The following MAPK1IP1L variants were observed in gnomAD, a reference collection of about 807,000 sequenced individuals.
MAPK1IP1L encodes the protein mitogen-activated protein kinase 1 interacting protein 1 like.
Under a neutral mutation model 18.1 loss-of-function variants are expected in MAPK1IP1L, and 10 were observed. The observed-to-expected ratio is 0.55, with a 90% CI of 0.34 to 0.94. MAPK1IP1L has a LOEUF of 0.94. Among genes scored for constraint, MAPK1IP1L ranks in the 40% least tolerant of loss-of-function variants. The pLI is 0.02. For missense variants in MAPK1IP1L, 260 were observed against 318.2 expected (o/e 0.82, Z 1.39); for synonymous variants, 115 against 117.3 (o/e 0.98, Z 0.13).
At position 55,067,347 on chromosome 14, in the gene MAPK1IP1L, A is replaced by AGTT. The variant is rs1235283755; in HGVS notation, c.*2721_*2723dup. 1 of 151,520 alleles carries AGTT rather than the reference A, an allele frequency of 6.6e-6. No homozygotes were observed. The highest frequency in any genetic ancestry group is 1.5e-5 in the Non-Finnish European group (1 of 67,938). The allele number at this position is 151,520 out of a possible 1,614,324, so 9.4% of individuals were successfully genotyped here. On this transcript the variant is annotated 3_prime_UTR_variant, in exon 4 of 4. Transcript: ENST00000395468. ...AATATTTCAGGTTGGTTCGGTGTGG[A>AGTT]GTTAAGAAAAGCAGGCGTTTTAGTG...
In MAPK1IP1L at chr14:55,056,896, A is replaced by G. The variant is rs75313084; in HGVS notation, c.-4-4784A>G. Among the ~76,000 whole-genome samples the G allele has an allele frequency of 8.9e-3, 1,351 of 152,278 alleles. 16 individuals are homozygous for G. The highest frequency in any genetic ancestry group is 0.03 in the African/African-American group (1,259 of 41,548). On this transcript the variant is annotated intron_variant, in intron 1 of 3. Coordinates refer to ENST00000395468, the MANE Select transcript of MAPK1IP1L (RefSeq NM_144578.4). ...TTTATGTTCTTGTCCTTTCCTCATG[A>G]TAATCAAATCATAATTAGAAATAAG...
chr14:55,053,686 C>T (rs563525869), intron 1 of MAPK1IP1L, among the ~76,000 whole-genome samples: 2 of 152,214 alleles, frequency 1.3e-5, no homozygotes, highest in African/African-American at 4.8e-5. Flanking sequence ...CTGCTTATAC[C>T]TCCCCAGAGA....
chr14:55,066,768 AC>A lies in MAPK1IP1L; in HGVS notation c.*2142del, dbSNP rs1015861319. 3.9e-5 allele frequency: 6 copies of A among 152,200 alleles called. No individual in the cohort carries two copies. The highest frequency in any genetic ancestry group is 1.4e-4 in the African/African-American group (6 of 41,458). 9.4% of individuals were successfully genotyped at this position (152,200 alleles called of 1,614,324 possible). ...CTAAAGGATTTGAAGGGCCATGAAC[AC>A]AATTTGGGATTATTACTCCCTATAA... On this transcript the variant is annotated 3_prime_UTR_variant, in exon 4 of 4. Coordinates refer to ENST00000395468, the MANE Select transcript of MAPK1IP1L (RefSeq NM_144578.4).
At chr14:55,061,588 A>T (rs2042818594) in intron 1 of MAPK1IP1L, 92 bp from the exon 2 acceptor site, 2 of 815,502 alleles carry the variant, frequency 2.5e-6, no homozygotes, top group East Asian at 5.5e-5. Context: ...ATAATAATGT[A>T]TGCATAGAAA....
Position 55,063,103 on chromosome 14 carries a change from T to C in MAPK1IP1L, c.504T>C (p.Tyr168=). ...GGQYPTPNMP[Y]PSPGPYPAPP... ...AGTATCCTACCCCTAATATGCCATA[T>C]CCATCTCCAGGCCCATATCCCGCTC... The change falls in exon 3 of 4, where the codon TAT becomes TAC. Residue 168 remains tyrosine, a synonymous_variant. Coordinates refer to ENST00000395468, the MANE Select transcript of MAPK1IP1L (RefSeq NM_144578.4). 5.0e-6 allele frequency: 8 copies of C among 1,613,310 alleles called. No homozygotes were observed. Among genetic ancestry groups the C allele is most frequent in the Non-Finnish European group, 6.8e-6 (8 of 1,179,994 alleles).
rs765672583 is a variant in MAPK1IP1L at position 55,061,676 on chromosome 14, T to C, written c.-4-4T>C. ...TTCTTCCTTCATTTCTTTTCTTTTT[T>C]TAGGAAAATGTCTGATGAATTTTCG... On this transcript the variant is annotated splice_region_variant and splice_polypyrimidine_tract_variant and intron_variant, in intron 1 of 3. Coordinates refer to ENST00000395468, the MANE Select transcript of MAPK1IP1L (RefSeq NM_144578.4). The C allele has an allele frequency of 6.4e-7, 1 of 1,559,898 alleles. No individual in the cohort carries two copies. The highest frequency in any genetic ancestry group is 8.7e-7 in the Non-Finnish European group (1 of 1,146,686).
chr14:55,055,858 A>T (rs919584469), intron 1 of MAPK1IP1L, among the ~76,000 whole-genome samples: 1 of 152,196 alleles, frequency 6.6e-6, no homozygotes, highest in African/African-American at 2.4e-5. Flanking sequence ...TAAACCTGGG[A>T]GGCGGAGGTT....
chr14:55,053,609 C>CT (rs2140256327), intron 1 of MAPK1IP1L, among the ~76,000 whole-genome samples: 1 of 152,340 alleles, frequency 6.6e-6, no homozygotes, highest in Non-Finnish European at 1.5e-5. Context: ...AAACCCTCGT[C>CT]TAAGGTCACT....
rs567581869 is a variant in MAPK1IP1L at position 55,069,120 on chromosome 14, A to G, written c.*4493A>G. 2.0e-5 allele frequency: 3 copies of G among 152,212 alleles called. No individual in the cohort carries two copies. The South Asian group carries it at 6.2e-4, about 32-fold the overall frequency. The allele number at this position is 152,212 out of a possible 1,614,324, so 9.4% of individuals were successfully genotyped here. On this transcript the variant is annotated 3_prime_UTR_variant, in exon 4 of 4. Coordinates refer to ENST00000395468, the MANE Select transcript of MAPK1IP1L (RefSeq NM_144578.4). ...GTTTGCCTCTTCACTTTACCCCTGG[A>G]TAAAGGCACTTTCACTGCCTGTCAC...
At chr14:55,064,096 C>A (rs928453855) in intron 3 of MAPK1IP1L, among the ~76,000 whole-genome samples, 1 of 142,154 alleles carries the variant, frequency 7.0e-6, no homozygotes, top group African/African-American at 2.7e-5. Context: ...CAATCTCTAC[C>A]TCTCAGGTTC....
At position 55,063,184 on chromosome 14, in the gene MAPK1IP1L, A is replaced by C; in HGVS notation, c.585A>C (p.Pro195=). 1.2e-6 allele frequency: 2 copies of C among 1,613,898 alleles called. No individual in the cohort carries two copies. Among genetic ancestry groups the C allele is most frequent in the East Asian group, 2.2e-5 (1 of 44,850 alleles). ...CACCTGTTCCATGGGGCACCGTTCC[A>C]CCAGGAGCCTGGGGACCACCAGCAC... The part of the protein sequence containing the change: ...AAPPVPWGTV[P]PGAWGPPAPY... The change falls in exon 3 of 4, where the codon CCA becomes CCC. Residue 195 remains proline (P), a synonymous_variant. Transcript: ENST00000395468.
Position 55,067,712 on chromosome 14 carries a change from T to TTA in MAPK1IP1L, c.*3086_*3087insAT, listed in dbSNP as rs1566765930. 6.6e-6 allele frequency: 1 copy of TTA among 152,198 alleles called. No individual in the cohort carries two copies. The highest frequency in any genetic ancestry group is 1.5e-5 in the Non-Finnish European group (1 of 68,040). The allele number at this position is 152,198 out of a possible 1,614,324, so 9.4% of individuals were successfully genotyped here. On this transcript the variant is annotated 3_prime_UTR_variant, in exon 4 of 4. Coordinates refer to ENST00000395468, the MANE Select transcript of MAPK1IP1L (RefSeq NM_144578.4). ...GCCACCATGCGTGACCTTTTTTTCTTTTTAAAAGGGAACAATGTTGCTTTC... is the reference window on the plus strand; with the variant it reads ...GCCACCATGCGTGACCTTTTTTTCTTTATTTAAAAGGGAACAATGTTGCTTTC...
At chr14:55,064,513 G>A in intron 3 of MAPK1IP1L, 103 bp from the exon 4 acceptor site, 3 of 963,242 alleles carry the variant, frequency 3.1e-6, no homozygotes, top group Non-Finnish European at 4.9e-6. Flanking sequence ...GTGACTTGCT[G>A]TTTGGATTTA....
In MAPK1IP1L at chr14:55,066,987, T is replaced by A. The variant is rs1177829092; in HGVS notation, c.*2360T>A. 1.3e-5 allele frequency: 2 copies of A among 151,532 alleles called. No individual in the cohort carries two copies. Among genetic ancestry groups the A allele is most frequent in the Admixed American group, 6.6e-5 (1 of 15,210 alleles). 9.4% of individuals were successfully genotyped at this position (151,532 alleles called of 1,614,324 possible). On this transcript the variant is annotated 3_prime_UTR_variant, in exon 4 of 4. Transcript: ENST00000395468. The stretch of plus-strand genomic sequence containing the variant: ...ATCTTGGTTCACTGCAAGCTCCATC[T>A]CCCAGGTTCACACCATTCTCCTGCC...
In MAPK1IP1L at chr14:55,069,146, T is replaced by C. The variant is rs1283039071; in HGVS notation, c.*4519T>C. The C allele has an allele frequency of 6.6e-6, 1 of 152,300 alleles. No homozygotes were observed. The highest frequency in any genetic ancestry group is 2.4e-5 in the African/African-American group (1 of 41,456). The allele number at this position is 152,300 out of a possible 1,614,324, so 9.4% of individuals were successfully genotyped here. A position where few individuals can be genotyped will look rare whatever the true frequency, so the allele number is the denominator to read the frequency against. Reference sequence around the variant, plus strand: ...TAAAGGCACTTTCACTGCCTGTCACTGATCAGCAGATACTGACTTGTTGCC... The same window carrying C: ...TAAAGGCACTTTCACTGCCTGTCACCGATCAGCAGATACTGACTTGTTGCC... On this transcript the variant is annotated 3_prime_UTR_variant, in exon 4 of 4. Coordinates refer to ENST00000395468, the MANE Select transcript of MAPK1IP1L (RefSeq NM_144578.4).
chr14:55,061,591 C>A, intron 1 of MAPK1IP1L, 89 bp from the exon 2 acceptor site: 3 of 836,734 alleles, frequency 3.6e-6, no homozygotes, highest in South Asian at 1.6e-5. Context: ...ATAATGTATG[C>A]ATAGAAAGTT....
intron 1 of MAPK1IP1L, 147 bp downstream of exon 1, chr14:55,051,950 C>T (rs1230707689): frequency 1.1e-5 from 4 of 369,178 alleles, no homozygotes; most frequent in Non-Finnish European, 2.1e-5. Context: ...GGTCGCCTGC[C>T]TGGCACCAGG....
chr14:55,063,335 C>A lies in MAPK1IP1L; in HGVS notation c.726+10C>A. ...GCCTGGTGGCCCCCATGTGAGTGTT[C>A]AATTTGTTATTTAAAGTGTACTAAT... On this transcript the variant is annotated intron_variant, in intron 3 of 3. Transcript: ENST00000395468. 3 of 1,587,092 alleles carry A rather than the reference C, an allele frequency of 1.9e-6. No individual in the cohort carries two copies. Among genetic ancestry groups the A allele is most frequent in the Non-Finnish European group, 2.6e-6 (3 of 1,162,666 alleles).
rs1044745136 is a variant in MAPK1IP1L at position 55,068,618 on chromosome 14, A to G, written c.*3991A>G. The G allele has an allele frequency of 2.0e-5, 3 of 152,246 alleles. No homozygotes were observed. Among genetic ancestry groups the G allele is most frequent in the Admixed American group, 6.5e-5 (1 of 15,286 alleles). The allele number at this position is 152,246 out of a possible 1,614,324, so 9.4% of individuals were successfully genotyped here. Reference sequence around the variant, plus strand: ...ATAAATCACACTGATATATTGTACTATGCATAGAAAGTTGTAGGTGGCGTT... The same window carrying G: ...ATAAATCACACTGATATATTGTACTGTGCATAGAAAGTTGTAGGTGGCGTT... On this transcript the variant is annotated 3_prime_UTR_variant, in exon 4 of 4. Coordinates refer to ENST00000395468, the MANE Select transcript of MAPK1IP1L (RefSeq NM_144578.4).
Sources: gnomAD v4.1 joint callset for allele counts (sites outside exome capture counted in the v4.1 genomes callset) on GRCh38, gnomAD v4.1.1 for gene constraint, MANE v1.5 for transcripts, NCBI Gene and HGNC (gene_info 2026-07-23, HGNC 2026-07-21) for gene names.